SLCO3A1: variants seen among roughly 807,000 people sequenced by gnomAD.
SLCO3A1 encodes PGE1 transporter.
Under a neutral mutation model 63.1 loss-of-function variants are expected in SLCO3A1, and 27 were observed. The observed-to-expected ratio is 0.43, with a 90% CI of 0.32 to 0.59. The LOEUF is 0.59. Ranked by LOEUF, SLCO3A1 falls within the 20% of genes least tolerant of loss-of-function variation. The pLI is 0.09. For synonymous variants in SLCO3A1, 473 were observed against 409.9 expected, an observed-to-expected ratio of 1.15 and a Z score of -1.86; for missense variants, 773 against 945.8, an observed-to-expected ratio of 0.82 and a Z score of 2.40.
intron 2 of SLCO3A1, among the ~76,000 whole-genome samples, chr15:91,922,035 A>G (rs943550336): frequency 2.0e-5 from 3 of 152,112 alleles, no homozygotes; most frequent in Non-Finnish European, 4.4e-5. Context: ...GCGCCCGGCC[A>G]AGATTTCTCC....
At chr15:92,050,683 A>G (rs2046946213) in intron 2 of SLCO3A1, among the ~76,000 whole-genome samples, 1 of 152,146 alleles carries the variant, frequency 6.6e-6, no homozygotes, top group Non-Finnish European at 1.5e-5. Flanking sequence ...TCTGTAAGCC[A>G]TTACTCACTC....
At chr15:92,048,808 G>T (rs2046922092) in intron 2 of SLCO3A1, among the ~76,000 whole-genome samples, 1 of 152,326 alleles carries the variant, frequency 6.6e-6, no homozygotes, top group Non-Finnish European at 1.5e-5. Flanking sequence ...TGAGGTAGGA[G>T]AATTGCTTGA....
chr15:92,092,367 G>C (rs2047487968), intron 2 of SLCO3A1, among the ~76,000 whole-genome samples: 1 of 152,086 alleles, frequency 6.6e-6, no homozygotes. Flanking sequence ...TATGATTATG[G>C]GTGATGGGGG....
intron 2 of SLCO3A1, among the ~76,000 whole-genome samples, chr15:91,961,556 T>C (rs571474241): frequency 3.3e-5 from 5 of 152,298 alleles, no homozygotes; most frequent in Admixed American, 6.5e-5. Context: ...CTCACACTCA[T>C]AGGCACTTTT....
chr15:91,964,099 C>T (rs2151423592), intron 2 of SLCO3A1, among the ~76,000 whole-genome samples: 1 of 152,284 alleles, frequency 6.6e-6, no homozygotes, highest in South Asian at 2.1e-4. Flanking sequence ...GACCCAGAAG[C>T]TCAGCTGGCT....
chr15:92,164,274 A>G lies in SLCO3A1; in HGVS notation c.*1139A>G. On this transcript the variant is annotated 3_prime_UTR_variant, in exon 10 of 10. Transcript: ENST00000318445. Reference sequence around the variant, plus strand: ...TTTTCATCATTTTATCCTCATTCGAATATTCTACAAAAACAAGAATATACA... The same window carrying G: ...TTTTCATCATTTTATCCTCATTCGAGTATTCTACAAAAACAAGAATATACA... The G allele has an allele frequency of 1.0e-6, 1 of 984,136 alleles. No homozygotes were observed. The highest frequency in any genetic ancestry group is 4.7e-5 in the South Asian group (1 of 21,260). The allele number at this position is 984,136 out of a possible 1,614,324, so 61.0% of individuals were successfully genotyped here.
At chr15:92,150,472 G>T (rs1194974111) in intron 8 of SLCO3A1, among the ~76,000 whole-genome samples, 1 of 152,172 alleles carries the variant, frequency 6.6e-6, no homozygotes, top group African/African-American at 2.4e-5. Flanking sequence ...TCCATCCAGG[G>T]TGTCTAACCA....
At chr15:92,079,698 C>T (rs1265755446) in intron 2 of SLCO3A1, among the ~76,000 whole-genome samples, 1 of 152,234 alleles carries the variant, frequency 6.6e-6, no homozygotes, top group Non-Finnish European at 1.5e-5. Context: ...AGGGGGAGAG[C>T]AGGGCAGGTG....
At chr15:91,990,929 G>A (rs1038430138) in intron 2 of SLCO3A1, among the ~76,000 whole-genome samples, 2 of 152,162 alleles carry the variant, frequency 1.3e-5, no homozygotes, top group Non-Finnish European at 2.9e-5. Flanking sequence ...GAGCCCGTGG[G>A]GACAGTGAAG....
intron 2 of SLCO3A1, among the ~76,000 whole-genome samples, chr15:91,926,619 A>G (rs1434804140): frequency 3.3e-5 from 2 of 61,110 alleles, no homozygotes; most frequent in South Asian, 6.5e-4. Context: ...GCCCATGCTT[A>G]TTTTAAACCA....
rs147289216 is a variant in SLCO3A1, at chr15:92,158,680, G to T, written c.1754-4076G>T. On this transcript the variant is annotated intron_variant, in intron 9 of 9. Coordinates refer to ENST00000318445, the MANE Select transcript of SLCO3A1 (RefSeq NM_013272.4). ...CGAACATATAAGGATGTGGGGCTGG[G>T]CGTGAAAATGAGTCACCAAGGTGGA... 2.0e-5 allele frequency among the ~76,000 whole-genome samples: 3 copies of T among 152,278 alleles called. 1 individual carries two copies. The highest frequency in any genetic ancestry group is 7.2e-5 in the African/African-American group (3 of 41,542).
intron 1 of SLCO3A1, among the ~76,000 whole-genome samples, chr15:91,914,911 TC>T: frequency 6.6e-6 from 1 of 152,202 alleles, no homozygotes; most frequent in Non-Finnish European, 1.5e-5. Flanking sequence ...ATGCCACCTA[TC>T]TTTGGCTCAT....
At chr15:92,091,710 G>A (rs946035393) in intron 2 of SLCO3A1, among the ~76,000 whole-genome samples, 6 of 152,234 alleles carry the variant, frequency 3.9e-5, no homozygotes, top group Non-Finnish European at 4.4e-5. Context: ...TCCGTGTGAC[G>A]AGGAGCGACA....
intron 2 of SLCO3A1, among the ~76,000 whole-genome samples, 161 bp from the exon 3 acceptor site, chr15:92,094,720 T>C (rs866610309): frequency 7.2e-5 from 11 of 152,352 alleles, no homozygotes; most frequent in South Asian, 2.1e-4. Context: ...TCATAGAGTT[T>C]CCAAAAATTA....
chr15:91,981,619 G>A (rs556533777), intron 2 of SLCO3A1, among the ~76,000 whole-genome samples: 85 of 151,978 alleles, frequency 5.6e-4, no homozygotes, highest in African/African-American at 1.8e-3. Context: ...GGATTTTTTC[G>A]GAAAAAATTT....
chr15:92,158,186 A>G (rs963945228), intron 9 of SLCO3A1, among the ~76,000 whole-genome samples: 2 of 152,164 alleles, frequency 1.3e-5, no homozygotes, highest in African/African-American at 4.8e-5. Flanking sequence ...CAGAGAAGGA[A>G]GGGCTGCCCG....
chr15:92,119,354 C>T (rs2047833276), intron 4 of SLCO3A1, among the ~76,000 whole-genome samples: 1 of 152,174 alleles, frequency 6.6e-6, no homozygotes, highest in Admixed American at 6.5e-5. Context: ...GAATGAAGTA[C>T]AAGACCTCAA....
intron 9 of SLCO3A1, among the ~76,000 whole-genome samples, chr15:92,155,029 G>C (rs2151597522): frequency 6.6e-6 from 1 of 152,308 alleles, no homozygotes; most frequent in East Asian, 1.9e-4. Flanking sequence ...CGTGGATGTT[G>C]AGAGTGAGTT....
chr15:92,089,144 G>A (rs1390275384), intron 2 of SLCO3A1, among the ~76,000 whole-genome samples: 1 of 151,992 alleles, frequency 6.6e-6, no homozygotes, highest in Non-Finnish European at 1.5e-5. Context: ...TCCTGCCTCA[G>A]CCTCCTGAGT....
Sources: allele counts gnomAD v4.1 joint callset (sites outside exome capture counted in the v4.1 genomes callset), GRCh38; gene constraint gnomAD v4.1.1; transcripts MANE v1.5; gene names NCBI Gene and HGNC (gene_info 2026-07-23, HGNC 2026-07-21).